Variants in SCHIP1 observed in about 807,000 individuals in gnomAD.
The protein encoded by SCHIP1 is schwannomin-interacting protein 1.
Under a neutral mutation model 29.7 loss-of-function variants are expected in SCHIP1, and 8 were observed. The observed-to-expected ratio is 0.27, with a 90% CI of 0.16 to 0.49. SCHIP1 has a LOEUF of 0.49. Ranked by LOEUF, SCHIP1 falls within the 20% of genes least tolerant of loss-of-function variation. The pLI is 0.99. For missense variants in SCHIP1, 193 were observed against 294.6 expected, an observed-to-expected ratio of 0.66 and a Z score of 2.52; for synonymous variants, 76 against 94.9, an observed-to-expected ratio of 0.80 and a Z score of 1.16.
the SCHIP1 span, among the ~76,000 whole-genome samples, chr3:159,464,946 GGGTCT>G: frequency 6.6e-6 from 1 of 152,078 alleles, no homozygotes; most frequent in Non-Finnish European, 1.5e-5. Context: ...GGTGATATAA[GGGTCT>G]GGATCTCGTT....
chr3:159,620,960 G>C, the SCHIP1 span, among the ~76,000 whole-genome samples: 6 of 152,182 alleles, frequency 3.9e-5, no homozygotes, highest in African/African-American at 9.6e-5. Flanking sequence ...TGTATTTTCT[G>C]GTATTTGCAC....
At chr3:159,647,696 A>G in the SCHIP1 span, among the ~76,000 whole-genome samples, 1 of 152,170 alleles carries the variant, frequency 6.6e-6, no homozygotes, top group African/African-American at 2.4e-5. Context: ...GACTGGTCCA[A>G]GATAAAACAA....
At chr3:159,333,587 A>G in the SCHIP1 span, among the ~76,000 whole-genome samples, 1 of 152,158 alleles carries the variant, frequency 6.6e-6, no homozygotes, top group African/African-American at 2.4e-5. Flanking sequence ...CAGATACAAT[A>G]CCATCCTCAA....
chr3:159,779,593 A>G, the SCHIP1 span, among the ~76,000 whole-genome samples: 1 of 151,836 alleles, frequency 6.6e-6, no homozygotes, highest in Non-Finnish European at 1.5e-5. Context: ...GAATCACTTG[A>G]ACTCAGGAGG....
At chr3:159,375,729 A>AAAATAAATAAATAAATAAAT in the SCHIP1 span, 1,011 of 782,284 alleles carry the variant, frequency 1.3e-3, 16 homozygotes, top group African/African-American at 0.016. Flanking sequence ...ACTCCGTCTC[A>AAAATAAATAAATAAATAAAT]AAATAAATAA....
the SCHIP1 span, among the ~76,000 whole-genome samples, chr3:159,377,824 G>T: frequency 2.0e-5 from 3 of 152,122 alleles, no homozygotes; most frequent in African/African-American, 7.2e-5. Context: ...CCAAAAGAAG[G>T]GGTGCACAAC....
the SCHIP1 span, among the ~76,000 whole-genome samples, chr3:159,585,822 T>C: frequency 6.6e-6 from 1 of 152,320 alleles, no homozygotes; most frequent in African/African-American, 2.4e-5. Context: ...GTCTTACCTA[T>C]GTTTTAGCAT....
At chr3:159,712,822 AAGAG>A in the SCHIP1 span, among the ~76,000 whole-genome samples, 35 of 147,520 alleles carry the variant, frequency 2.4e-4, no homozygotes, top group African/African-American at 7.6e-4. Context: ...AGAAAGAAAG[AAGAG>A]AGAAAGAAAG....
the SCHIP1 span, among the ~76,000 whole-genome samples, chr3:159,471,301 A>C: frequency 6.6e-6 from 1 of 152,146 alleles, no homozygotes; most frequent in Non-Finnish European, 1.5e-5. Context: ...TGTGAGCACA[A>C]AATCAACCTC....
chr3:159,764,301 C>A, the SCHIP1 span: 1 of 1,013,810 alleles, frequency 9.9e-7, no homozygotes, highest in Non-Finnish European at 1.4e-6. This position sits in a 1 kb window ranked among gnomAD's most constrained non-coding sequence, Gnocchi z 6.1. Context: ...GTGCTGGCTC[C>A]CGCCCCCAGG....
intron 6 of SCHIP1, among the ~76,000 whole-genome samples, chr3:159,896,413 G>A (rs1718072679): frequency 6.6e-6 from 1 of 152,134 alleles, no homozygotes; most frequent in African/African-American, 2.4e-5. Context: ...AATATTTGTT[G>A]ATAAAAGTAT....
chr3:159,574,773 C>T, the SCHIP1 span, among the ~76,000 whole-genome samples: 4 of 152,212 alleles, frequency 2.6e-5, no homozygotes, highest in Admixed American at 1.3e-4. Context: ...CCACCCAGTT[C>T]GAGCTTCCCA....
the SCHIP1 span, among the ~76,000 whole-genome samples, chr3:159,599,476 C>T: frequency 2.2e-4 from 34 of 152,208 alleles, no homozygotes; most frequent in Admixed American, 6.5e-4. Flanking sequence ...AGCTTAGCTC[C>T]CATTTATGAC....
chr3:159,273,454 A>G, the SCHIP1 span: 1 of 1,050,066 alleles, frequency 9.5e-7, no homozygotes, highest in Non-Finnish European at 1.1e-6. Context: ...GACTAATGGG[A>G]TCTTCTTTTC....
At chr3:159,810,689 T>C in the SCHIP1 span, among the ~76,000 whole-genome samples, 1 of 152,252 alleles carries the variant, frequency 6.6e-6, no homozygotes, top group Non-Finnish European at 1.5e-5. Flanking sequence ...GGCCGTATTA[T>C]ATTTTGGTCG....
chr3:159,843,390 T>C (rs1744458439), intron 1 of SCHIP1, among the ~76,000 whole-genome samples: 1 of 152,148 alleles, frequency 6.6e-6, no homozygotes, highest in Admixed American at 6.5e-5. Flanking sequence ...TACTTATTTG[T>C]CTATTTTCTG....
chr3:159,788,043 A>G, the SCHIP1 span, among the ~76,000 whole-genome samples: 2 of 152,200 alleles, frequency 1.3e-5, no homozygotes, highest in Admixed American at 1.3e-4. Flanking sequence ...AAATAATCTT[A>G]TCGAGATGAC....
chr3:159,633,874 T>C, the SCHIP1 span, among the ~76,000 whole-genome samples: 1 of 152,150 alleles, frequency 6.6e-6, no homozygotes, highest in Non-Finnish European at 1.5e-5. Flanking sequence ...TGATAGGCAT[T>C]AGAGGGTTTT....
chr3:159,577,662 T>A, the SCHIP1 span, among the ~76,000 whole-genome samples: 1 of 152,220 alleles, frequency 6.6e-6, no homozygotes, highest in Non-Finnish European at 1.5e-5. Flanking sequence ...ACTGCAGGTC[T>A]ATTCAGTGGG....
Sources: allele counts gnomAD v4.1 joint callset (sites outside exome capture counted in the v4.1 genomes callset), GRCh38; gene constraint gnomAD v4.1.1; non-coding constraint Gnocchi (gnomAD v3.1); transcripts MANE v1.5; gene names NCBI Gene and HGNC (gene_info 2026-07-23, HGNC 2026-07-21).